The following KLHL13 variants were observed in gnomAD, a reference collection of about 807,000 sequenced individuals.
KLHL13 encodes kelch like family member 13, also known as kelch-like protein 13.
Under a neutral mutation model 37.1 loss-of-function variants are expected in KLHL13, and 10 were observed. That is an observed-to-expected ratio of 0.27 (90% CI 0.17 to 0.46). KLHL13 has a LOEUF of 0.46. Among genes scored for constraint, KLHL13 ranks in the 20% least tolerant of loss-of-function variants. The pLI is 1.00. For synonymous variants in KLHL13, 163 were observed against 181.2 expected (o/e 0.90, Z 0.81); for missense variants, 360 against 509.3 (o/e 0.71, Z 2.82).
intron 2 of KLHL13, among the ~76,000 whole-genome samples, chrX:117,941,562 T>C (rs977207285): frequency 1.8e-5 from 2 of 111,584 alleles, no homozygotes; most frequent in Non-Finnish European, 3.8e-5. Flanking sequence ...AGTTTAGTCT[T>C]GGGAGGGTGT....
At chrX:117,931,336 A>C (rs1932440300) in intron 2 of KLHL13, among the ~76,000 whole-genome samples, 1 of 112,016 alleles carries the variant, frequency 8.9e-6, no homozygotes. Context: ...ATCGCCAGTA[A>C]TCAGGAAATG....
chrX:117,933,275 T>C (rs1427413604), intron 2 of KLHL13, among the ~76,000 whole-genome samples: 1 of 111,350 alleles, frequency 9.0e-6, no homozygotes, highest in Non-Finnish European at 1.9e-5. Context: ...TACAAAGCTA[T>C]AGTAAACAAA....
intron 1 of KLHL13, among the ~76,000 whole-genome samples, chrX:117,994,399 G>A (rs1247032863): frequency 2.7e-5 from 3 of 110,559 alleles, no homozygotes; most frequent in Non-Finnish European, 5.7e-5. Flanking sequence ...GACTACAGGT[G>A]CTTGCCACAA....
upstream of KLHL13, chrX:118,116,962 C>A (rs1400865213): frequency 1.8e-5 from 2 of 110,889 alleles, no homozygotes; most frequent in Admixed American, 9.4e-5. Context: ...GGGGCTAGGA[C>A]GGTGTGTGGG....
intron 1 of KLHL13, among the ~76,000 whole-genome samples, chrX:118,094,100 ACCT>A (rs1433828575): frequency 9.1e-6 from 1 of 109,354 alleles, no homozygotes; most frequent in Non-Finnish European, 1.9e-5. Flanking sequence ...GGAAGTTCGA[ACCT>A]CCTCCTTTAG....
At chrX:117,913,379 C>T (rs916602036) in intron 4 of KLHL13, among the ~76,000 whole-genome samples, 1 of 112,145 alleles carries the variant, frequency 8.9e-6, no homozygotes, top group Non-Finnish European at 1.9e-5. Context: ...ATAGAATACA[C>T]ATTGAAAATA....
chrX:117,907,800 A>G (rs933534820), intron 5 of KLHL13, among the ~76,000 whole-genome samples: 2 of 111,429 alleles, frequency 1.8e-5, no homozygotes, highest in East Asian at 5.6e-4. Flanking sequence ...ACAACAAAGA[A>G]AAAAAAACTT....
intron 1 of KLHL13, among the ~76,000 whole-genome samples, chrX:118,087,951 T>C (rs1376245527): frequency 8.9e-6 from 1 of 112,198 alleles, no homozygotes; most frequent in Non-Finnish European, 1.9e-5. Flanking sequence ...AGGGCTGATA[T>C]ATAGAGAGCT....
intron 1 of KLHL13, among the ~76,000 whole-genome samples, chrX:117,991,136 G>GAAAAAAAAAAAAAAAAAAAA (rs1491157152): frequency 1.4e-5 from 1 of 74,060 alleles, no homozygotes; most frequent in African/African-American, 1.5e-4. Context: ...TCATTAAAAA[G>GAAAAAAAAAAAAAAAAAAAA]TAAAAAAAAA....
chrX:117,937,676 T>G (rs942263910), intron 2 of KLHL13, among the ~76,000 whole-genome samples: 8 of 111,953 alleles, frequency 7.1e-5, no homozygotes, highest in Non-Finnish European at 1.9e-5. Flanking sequence ...TTGTATAATT[T>G]TTCTACTGAT....
chrX:117,914,225 T>G (rs764321395), intron 4 of KLHL13: 1 of 108,732 alleles, frequency 9.2e-6, no homozygotes, highest in Non-Finnish European at 1.9e-5. Context: ...AAAATGGGTA[T>G]CTGCTTTTTT....
At chrX:118,007,758 T>A (rs2054003460) in intron 1 of KLHL13, among the ~76,000 whole-genome samples, 1 of 111,201 alleles carries the variant, frequency 9.0e-6, no homozygotes, top group Non-Finnish European at 1.9e-5. Flanking sequence ...GAGGACACAT[T>A]GCCCTTCTCT....
intron 4 of KLHL13, among the ~76,000 whole-genome samples, chrX:117,919,023 G>A (rs1931535863): frequency 9.0e-6 from 1 of 111,212 alleles, no homozygotes; most frequent in Non-Finnish European, 1.9e-5. Context: ...ATTACACAGA[G>A]GCTTTTTTTT....
intron 1 of KLHL13, among the ~76,000 whole-genome samples, chrX:117,986,334 C>A (rs937806249): frequency 1.8e-5 from 2 of 111,532 alleles, no homozygotes; most frequent in Non-Finnish European, 3.8e-5. Flanking sequence ...TCAGCAAATT[C>A]TTCGATATGA....
chrX:117,944,038 T>C (rs1164291753), intron 2 of KLHL13, among the ~76,000 whole-genome samples: 1 of 111,303 alleles, frequency 9.0e-6, no homozygotes, highest in African/African-American at 3.3e-5. Flanking sequence ...TTGTTGTTCT[T>C]GATGCTATTC....
chrX:117,982,275 T>C (rs1191660449), intron 1 of KLHL13, among the ~76,000 whole-genome samples: 1 of 111,424 alleles, frequency 9.0e-6, no homozygotes, highest in Non-Finnish European at 1.9e-5. Flanking sequence ...TAAAAACAAC[T>C]GGGAGATGTT....
chrX:117,969,807 A>G (rs1170759680), intron 1 of KLHL13, among the ~76,000 whole-genome samples: 2 of 111,912 alleles, frequency 1.8e-5, no homozygotes, highest in Non-Finnish European at 3.8e-5. Flanking sequence ...TTTATACTAT[A>G]TAAGATGCTA....
intron 1 of KLHL13, among the ~76,000 whole-genome samples, chrX:118,060,036 A>G: frequency 8.9e-6 from 1 of 112,114 alleles, no homozygotes; most frequent in East Asian, 2.8e-4. Context: ...AACATTAGGA[A>G]TATAAATATG....
intron 1 of KLHL13, among the ~76,000 whole-genome samples, chrX:118,061,948 G>A (rs1312874579): frequency 9.0e-6 from 1 of 111,131 alleles, no homozygotes; most frequent in Admixed American, 9.6e-5. Context: ...TATTCATTTG[G>A]TGATTGCCTG....
Sources: allele counts gnomAD v4.1 joint callset (sites outside exome capture counted in the v4.1 genomes callset), GRCh38; gene constraint gnomAD v4.1.1; transcripts MANE v1.5; gene names NCBI Gene and HGNC (gene_info 2026-07-23, HGNC 2026-07-21).